PGGT1B: variants seen among roughly 807,000 people sequenced by gnomAD.
The protein encoded by PGGT1B is geranylgeranyl transferase type-1 subunit beta.
A neutral mutation model predicts 46.1 loss-of-function variants in PGGT1B; 30 were observed. That is an observed-to-expected ratio of 0.65 (90% CI 0.49 to 0.88). The LOEUF (loss-of-function observed/expected upper bound fraction) is 0.88, where lower values mean the gene tolerates loss of function less well. Ranked by LOEUF, PGGT1B falls within the 40% of genes least tolerant of loss-of-function variation. PGGT1B has a pLI of 0.00. For synonymous variants in PGGT1B, 170 were observed against 160.0 expected (o/e 1.06, Z -0.47); for missense variants, 376 against 455.9 (o/e 0.82, Z 1.60).
At chr5:115,228,819 C>T (rs1290397372) in intron 6 of PGGT1B, among the ~76,000 whole-genome samples, 2 of 151,912 alleles carry the variant, frequency 1.3e-5, no homozygotes, top group African/African-American at 4.8e-5. Flanking sequence ...AGCTCAAATG[C>T]TTCAATAAAT....
At chr5:115,255,776 C>T (rs569316778) in intron 1 of PGGT1B, among the ~76,000 whole-genome samples, 46 of 152,130 alleles carry the variant, frequency 3.0e-4, no homozygotes, top group Non-Finnish European at 2.4e-4. Context: ...GATTTTCTAA[C>T]TGAAGAATAT....
chr5:115,258,264 A>G (rs1748407208), intron 1 of PGGT1B, among the ~76,000 whole-genome samples: 1 of 152,192 alleles, frequency 6.6e-6, no homozygotes, highest in African/African-American at 2.4e-5. Flanking sequence ...TCCAGACCAG[A>G]TAGCAGTTCC....
At chr5:115,241,432 C>CA (rs1757341533) in intron 3 of PGGT1B, 107 bp downstream of exon 3, 1 of 549,084 alleles carries the variant, frequency 1.8e-6, no homozygotes. Context: ...CATTTAGCCA[C>CA]ATTGAAATCT....
In PGGT1B at chr5:115,210,669, T is replaced by C. The variant is rs1756194287; in HGVS notation, c.*1733A>G. On this transcript the variant is annotated 3_prime_UTR_variant, in exon 9 of 9. Transcript: ENST00000419445. Reference sequence around the variant, plus strand: ...ATTGCCTTCTAACCTTTCTTGGTGATACAGAAAAAACAATTTGGGCTTTTT... The same window carrying C: ...ATTGCCTTCTAACCTTTCTTGGTGACACAGAAAAAACAATTTGGGCTTTTT... The C allele has an allele frequency of 6.6e-6, 1 of 152,108 alleles. No individual in the cohort carries two copies. The highest frequency in any genetic ancestry group is 2.4e-5 in the African/African-American group (1 of 41,446). 9.4% of individuals were successfully genotyped at this position (152,108 alleles called of 1,614,324 possible). A position where few individuals can be genotyped will look rare whatever the true frequency, so the allele number is the denominator to read the frequency against.
chr5:115,229,482 A>C (rs948006454), intron 6 of PGGT1B, among the ~76,000 whole-genome samples: 2 of 152,094 alleles, frequency 1.3e-5, no homozygotes, highest in Admixed American at 6.6e-5. Context: ...GGTACAGCCT[A>C]CTCAAGCCAT....
At position 115,207,853 on chromosome 5, in the gene PGGT1B, A is replaced by T. The variant is rs1420097874; in HGVS notation, c.*4549T>A. 1 of 152,068 alleles carries T rather than the reference A, an allele frequency of 6.6e-6. No homozygotes were observed. The highest frequency in any genetic ancestry group is 1.5e-5 in the Non-Finnish European group (1 of 67,970). 9.4% of individuals were successfully genotyped at this position (152,068 alleles called of 1,614,324 possible). A position where few individuals can be genotyped will look rare whatever the true frequency, so the allele number is the denominator to read the frequency against. On this transcript the variant is annotated 3_prime_UTR_variant, in exon 9 of 9. Coordinates refer to ENST00000419445, the MANE Select transcript of PGGT1B (RefSeq NM_005023.4). ...ATGTCTTGTTCCTGACTTCAGCTGG[A>T]AAGTCTCCTTTGCTTTGAAATTTAA...
At position 115,239,429 on chromosome 5, in the gene PGGT1B, C is replaced by T. The variant is rs1757283472; in HGVS notation, c.328-1420G>A. On this transcript the variant is annotated intron_variant, in intron 3 of 8. Coordinates refer to ENST00000419445, the MANE Select transcript of PGGT1B (RefSeq NM_005023.4). ...TTTCATTCTAAGTTCCTCCTTAGAA[C>T]TCAAGCTCTAGTTCTCCTGGCTATC... Among the ~76,000 whole-genome samples, 3 of 152,188 alleles carry T rather than the reference C, an allele frequency of 2.0e-5. No individual in the cohort carries two copies. In the South Asian group the frequency reaches 6.2e-4, roughly 31 times the overall value.
chr5:115,262,481 G>A, intron 1 of PGGT1B: 1 of 520,152 alleles, frequency 1.9e-6, no homozygotes, highest in East Asian at 3.2e-5. Flanking sequence ...GAAAAGGGAA[G>A]TGAAAAAGCC....
Position 115,262,802 on chromosome 5 carries a change from C to G in PGGT1B, c.50G>C (p.Arg17Pro). The G allele has an allele frequency of 6.2e-7, 1 of 1,612,988 alleles. No homozygotes were observed. Among genetic ancestry groups the G allele is most frequent in the Non-Finnish European group, 8.5e-7 (1 of 1,179,914 alleles). The change falls in exon 1 of 9, where the codon CGG becomes CCG. Residue 17 changes from arginine to proline, a missense_variant. Arg to Pro is a moderately radical substitution (Grantham distance 103, BLOSUM62 -2). Coordinates refer to ENST00000419445, the MANE Select transcript of PGGT1B (RefSeq NM_005023.4). ...GTGCCGATCCCGTAAGAAATCCAGC[C>G]GCTCTCCCTCACCGCTCCCTGCTAG... ...ERLAGSGEGE[R>P]LDFLRDRHVR...
At chr5:115,223,715 G>A (rs1242077128) in intron 6 of PGGT1B, among the ~76,000 whole-genome samples, 3 of 152,138 alleles carry the variant, frequency 2.0e-5, no homozygotes, top group Non-Finnish European at 4.4e-5. Flanking sequence ...TTATGGCAGC[G>A]ATAGAAAACT....
chr5:115,255,523 T>G (rs1748274052), intron 1 of PGGT1B, among the ~76,000 whole-genome samples: 1 of 152,140 alleles, frequency 6.6e-6, no homozygotes, highest in African/African-American at 2.4e-5. Flanking sequence ...ATATTTATAG[T>G]CAGGTACAAT....
chr5:115,244,605 T>G (rs532692266), intron 2 of PGGT1B, among the ~76,000 whole-genome samples: 83 of 152,040 alleles, frequency 5.5e-4, no homozygotes, highest in African/African-American at 2.0e-3. Flanking sequence ...ATCCTTTTTA[T>G]TTTTGAGACA....
At chr5:115,228,011 T>C (rs1295381241) in intron 6 of PGGT1B, among the ~76,000 whole-genome samples, 1 of 152,122 alleles carries the variant, frequency 6.6e-6, no homozygotes, top group Non-Finnish European at 1.5e-5. Flanking sequence ...AACTCAAAAT[T>C]CCAGATTGCT....
intron 1 of PGGT1B, among the ~76,000 whole-genome samples, chr5:115,255,090 T>C (rs1310949365): frequency 2.0e-5 from 3 of 152,186 alleles, no homozygotes; most frequent in Admixed American, 2.0e-4. Context: ...ATCATTACTA[T>C]ACCTTATACA....
rs151165955 is a variant in PGGT1B at position 115,212,083 on chromosome 5, TAA to T, written c.*317_*318del. The T allele has an allele frequency of 0.015, 3,418 of 224,446 alleles. 143 individuals carry two copies. The highest frequency in any genetic ancestry group is 0.074 in the African/African-American group (3,214 of 43,242). 13.9% of individuals were successfully genotyped at this position (224,446 alleles called of 1,614,324 possible). Reference sequence around the variant, plus strand: ...TTGAAAATTTGTGTCCATTTTATAATAAGATACAATTTGCACTGAAGAGTTTT... The same window carrying T: ...TTGAAAATTTGTGTCCATTTTATAATGATACAATTTGCACTGAAGAGTTTT... On this transcript the variant is annotated 3_prime_UTR_variant, in exon 9 of 9. Coordinates refer to ENST00000419445, the MANE Select transcript of PGGT1B (RefSeq NM_005023.4).
At chr5:115,215,492 T>A (rs983556690) in intron 8 of PGGT1B, among the ~76,000 whole-genome samples, 3 of 151,910 alleles carry the variant, frequency 2.0e-5, no homozygotes, top group Non-Finnish European at 4.4e-5. Context: ...AGAGGCAATG[T>A]TTCACCATGT....
At chr5:115,215,051 T>C (rs933523072) in intron 8 of PGGT1B, among the ~76,000 whole-genome samples, 8 of 152,154 alleles carry the variant, frequency 5.3e-5, no homozygotes, top group African/African-American at 1.9e-4. Flanking sequence ...CAGGCTGGAG[T>C]GCAATGGTGA....
chr5:115,207,505 G>A lies in PGGT1B; in HGVS notation c.*4897C>T, dbSNP rs1388316345. The A allele has an allele frequency of 6.6e-6, 1 of 151,976 alleles. No homozygotes were observed. Among genetic ancestry groups the A allele is most frequent in the Admixed American group, 6.6e-5 (1 of 15,234 alleles). 9.4% of individuals were successfully genotyped at this position (151,976 alleles called of 1,614,324 possible). A position where few individuals can be genotyped will look rare whatever the true frequency, so the allele number is the denominator to read the frequency against. On this transcript the variant is annotated 3_prime_UTR_variant, in exon 9 of 9. Coordinates refer to ENST00000419445, the MANE Select transcript of PGGT1B (RefSeq NM_005023.4). ...TTTTGACAGCACTTACCTTTGGGAA[G>A]AGAGGTAGTGACTGAAAGAGGGTGC...
At chr5:115,224,123 T>A (rs113534632) in intron 6 of PGGT1B, among the ~76,000 whole-genome samples, 18 of 142,428 alleles carry the variant, frequency 1.3e-4, no homozygotes, top group Non-Finnish European at 1.8e-4. Context: ...GCTAAAAAAA[T>A]TATTACAACC....
Sources: gnomAD v4.1 joint callset for allele counts (sites outside exome capture counted in the v4.1 genomes callset) on GRCh38, gnomAD v4.1.1 for gene constraint, MANE v1.5 for transcripts, NCBI Gene and HGNC (gene_info 2026-07-23, HGNC 2026-07-21) for gene names.